SLC37A2: variants seen among roughly 807,000 people sequenced by gnomAD.
SLC37A2 encodes glucose-6-phosphate exchanger SLC37A2.
In SLC37A2, 59 loss-of-function variants were observed where a neutral mutation model predicts 70.7. That is an observed-to-expected ratio of 0.83 (90% CI 0.68 to 1.04). The LOEUF is 1.04. Ranked by LOEUF, SLC37A2 falls within the 50% of genes least tolerant of loss-of-function variation. SLC37A2 has a pLI of 0.00. For missense variants in SLC37A2, 580 were observed against 658.1 expected (o/e 0.88, Z 1.30); for synonymous variants, 257 against 262.1 (o/e 0.98, Z 0.19).
intron 8 of SLC37A2, 96 bp downstream of exon 8, chr11:125,081,554 G>T (rs1949150029): frequency 6.8e-7 from 1 of 1,471,502 alleles, no homozygotes; most frequent in Non-Finnish European, 9.2e-7. Flanking sequence ...GGGAGTTCTG[G>T]CCCTCACTGA....
chr11:125,085,370 T>G, intron 14 of SLC37A2, 25 bp from the exon 15 acceptor site: 1 of 1,609,240 alleles, frequency 6.2e-7, no homozygotes, highest in Non-Finnish European at 8.5e-7. Context: ...CAGCTGGGCT[T>G]CCCCACTCCA....
intron 10 of SLC37A2, among the ~76,000 whole-genome samples, 155 bp downstream of exon 10, chr11:125,082,489 G>A (rs7950127): frequency 6.6e-6 from 1 of 151,958 alleles, no homozygotes; most frequent in Non-Finnish European, 1.5e-5. Flanking sequence ...TGATTTAGTT[G>A]TTTACTTAAA....
rs1394025160 is a variant in SLC37A2, at chr11:125,079,665, C to T, written c.451-19C>T. On this transcript the variant is annotated intron_variant, in intron 5 of 17. Transcript: ENST00000403796. ...CACAGCCCAGGCCTGTTCCCACCCTCCCTTCTCTCTCCCTGCAGGTCTGTA... is the reference window on the plus strand; with the variant it reads ...CACAGCCCAGGCCTGTTCCCACCCTTCCTTCTCTCTCCCTGCAGGTCTGTA... The T allele has an allele frequency of 3.8e-6, 6 of 1,580,470 alleles. No individual in the cohort carries two copies. Among genetic ancestry groups the T allele is most frequent in the East Asian group, 2.3e-5 (1 of 44,160 alleles).
rs1949244958 is a variant in SLC37A2, at chr11:125,088,244, T to C, written c.*110T>C. The C allele has an allele frequency of 5.3e-6, 7 of 1,324,614 alleles. No homozygotes were observed. The highest frequency in any genetic ancestry group is 7.4e-6 in the Non-Finnish European group (7 of 944,146). 82.1% of individuals were successfully genotyped at this position (1,324,614 alleles called of 1,614,324 possible). On this transcript the variant is annotated 3_prime_UTR_variant, in exon 18 of 18. Coordinates refer to ENST00000403796, the MANE Select transcript of SLC37A2 (RefSeq NM_001145290.2). ...AGCAGGGAAGGCAAACCCTCTTTAT[T>C]GAACATTAGCCAGCCCAGCCCAGAC...
At chr11:125,070,803 C>T (rs903543080) in intron 1 of SLC37A2, among the ~76,000 whole-genome samples, 2 of 152,184 alleles carry the variant, frequency 1.3e-5, no homozygotes, top group Admixed American at 6.5e-5. Context: ...AGCAGCTTCT[C>T]CCCCAGCTGC....
intron 1 of SLC37A2, among the ~76,000 whole-genome samples, chr11:125,075,835 C>A (rs959944627): frequency 1.3e-5 from 2 of 152,264 alleles, no homozygotes; most frequent in South Asian, 2.1e-4. Context: ...GCTTCAGGAG[C>A]CCTCCCACCC....
Position 125,067,421 on chromosome 11 carries a change from G to A in SLC37A2, c.59+3995G>A, listed in dbSNP as rs1389765816. On this transcript the variant is annotated intron_variant, in intron 1 of 17. Transcript: ENST00000403796. ...GTACAGAGAGGGCATTGAGAAGTCTGCACAACTCTTTTATAGCATATAATT... is the reference window on the plus strand; with the variant it reads ...GTACAGAGAGGGCATTGAGAAGTCTACACAACTCTTTTATAGCATATAATT... Among the ~76,000 whole-genome samples, 3 of 152,136 alleles carry A rather than the reference G, an allele frequency of 2.0e-5. No homozygotes were observed. The East Asian group carries it at 5.8e-4, about 29-fold the overall frequency.
rs199780599 is a variant in SLC37A2 at position 125,085,580 on chromosome 11, C to T, written c.1331C>T (p.Ala444Val). The part of the protein sequence containing the change: ...AIIDGTGSIG[A>V]ALGPLLAGLI... Reference sequence around the variant, plus strand: ...CACGAGGCTGTGCTCCATTCAGGTGCGGCTCTGGGGCCTCTGCTGGCTGGG... The same window carrying T: ...CACGAGGCTGTGCTCCATTCAGGTGTGGCTCTGGGGCCTCTGCTGGCTGGG... Residue 444 changes from alanine (A) to valine (V), a missense_variant, in exon 16 of 18, where the codon GCG becomes GTG. Ala to Val is a moderately conservative substitution (Grantham distance 64). Transcript: ENST00000403796. 1.0e-4 allele frequency: 165 copies of T among 1,613,780 alleles called. No individual in the cohort carries two copies. Among genetic ancestry groups the T allele is most frequent in the Admixed American group, 1.7e-4 (10 of 60,022 alleles).
rs200333736 is a variant in SLC37A2, at chr11:125,085,660, G to A, written c.1411G>A (p.Val471Ile). Residue 471 changes from valine (V) to isoleucine (I), a missense_variant, in exon 16 of 18, where the codon GTC (valine) becomes ATC (isoleucine). By Grantham distance (29) the Val-to-Ile change is conservative (BLOSUM62 3). Transcript: ENST00000403796. ...CTTCTACATGCTCATCTCTGCCGAC[G>A]TCCTAGCCTGCTTGGTAAGAGTCTT... ...NVFYMLISAD[V>I]LACLLLCRLV... is the part of the protein sequence containing the mutation. 2.0e-5 allele frequency: 32 copies of A among 1,613,010 alleles called. No individual in the cohort carries two copies. The East Asian group carries it at 2.7e-4, about 14-fold the overall frequency.
At chr11:125,084,133 C>A in intron 11 of SLC37A2, 101 bp from the exon 12 acceptor site, 2 of 1,342,320 alleles carry the variant, frequency 1.5e-6, no homozygotes, top group Non-Finnish European at 2.1e-6. Flanking sequence ...CTGGTTCTTG[C>A]TGACAGGCCC....
Position 125,080,563 on chromosome 11 carries a change from T to C in SLC37A2, c.528-51T>C. 1.4e-6 allele frequency: 2 copies of C among 1,403,604 alleles called. No individual in the cohort carries two copies. Among genetic ancestry groups the C allele is most frequent in the Non-Finnish European group, 1.9e-6 (2 of 1,066,586 alleles). 86.9% of individuals were successfully genotyped at this position (1,403,604 alleles called of 1,614,324 possible). A position where few individuals can be genotyped will look rare whatever the true frequency, so the allele number is the denominator to read the frequency against. Reference sequence around the variant, plus strand: ...GCTGGGGCAGTTGCTATGAACAATGTGCTTTGCTTTTTACTTTTTATACCT... The same window carrying C: ...GCTGGGGCAGTTGCTATGAACAATGCGCTTTGCTTTTTACTTTTTATACCT... On this transcript the variant is annotated intron_variant, in intron 6 of 17. Coordinates refer to ENST00000403796, the MANE Select transcript of SLC37A2 (RefSeq NM_001145290.2). This position sits in a 1 kb window ranked among gnomAD's most constrained non-coding sequence, Gnocchi z 4.3.
intron 1 of SLC37A2, among the ~76,000 whole-genome samples, chr11:125,075,921 T>C (rs1396353446): frequency 6.6e-6 from 1 of 152,158 alleles, no homozygotes; most frequent in East Asian, 1.9e-4. Context: ...TCTCCTGGAC[T>C]GGGGCTCCAC....
Position 125,063,389 on chromosome 11 carries a change from G to T in SLC37A2, c.22G>T (p.Gly8Ter). MRSSLAP[G>*]VWFFRAFSRD... ...CAAAATGCGGTCCTCCCTGGCTCCGGGAGTCTGGTTCTTCCGGGCCTTCTC... is the reference window on the plus strand; with the variant it reads ...CAAAATGCGGTCCTCCCTGGCTCCGTGAGTCTGGTTCTTCCGGGCCTTCTC... Residue 8 changes from glycine (G) to a stop codon, truncating the protein, a stop_gained, in exon 1 of 18, where the codon GGA becomes TGA. Coordinates refer to ENST00000403796, the MANE Select transcript of SLC37A2 (RefSeq NM_001145290.2). LOFTEE classifies it high-confidence loss of function. The surrounding 1 kb of genome is among the most constrained non-coding windows in gnomAD (Gnocchi z 5.4). The T allele has an allele frequency of 6.2e-7, 1 of 1,612,018 alleles. No individual in the cohort carries two copies.
At chr11:125,087,440 C>G (rs1170107882) in intron 17 of SLC37A2, 4 of 153,036 alleles carry the variant, frequency 2.6e-5, no homozygotes, top group South Asian at 2.1e-4. Context: ...TCTCCACTCA[C>G]TCCATGAGAC....
intron 4 of SLC37A2, among the ~76,000 whole-genome samples, chr11:125,078,651 T>C (rs1263597709): frequency 1.3e-5 from 2 of 151,630 alleles, no homozygotes; most frequent in East Asian, 3.9e-4. Flanking sequence ...TCAGGGTGGT[T>C]GGTGGGAAGA....
chr11:125,082,182 G>A (rs776414913), intron 9 of SLC37A2, 62 bp from the exon 10 acceptor site: 93 of 1,530,442 alleles, frequency 6.1e-5, no homozygotes, highest in Non-Finnish European at 8.0e-5. Context: ...CACCCCTTGG[G>A]GCCACCACTG....
chr11:125,067,778 C>G (rs958298504), intron 1 of SLC37A2, among the ~76,000 whole-genome samples: 3 of 151,630 alleles, frequency 2.0e-5, no homozygotes, highest in Admixed American at 6.5e-5. Flanking sequence ...TTCCTTTCTA[C>G]AAACCTAAAA....
At chr11:125,082,021 G>T (rs1949156333) in intron 9 of SLC37A2, 115 bp downstream of exon 9, 1 of 1,273,086 alleles carries the variant, frequency 7.9e-7, no homozygotes. Flanking sequence ...TATAGGGGAG[G>T]TGTAAGTTGG....
chr11:125,081,239 G>A (rs1372492816), intron 7 of SLC37A2, among the ~76,000 whole-genome samples, 182 bp from the exon 8 acceptor site: 1 of 152,104 alleles, frequency 6.6e-6, no homozygotes, highest in African/African-American at 2.4e-5. Flanking sequence ...CTAGAAAGCT[G>A]TCTCCTGAGC....
Sources: allele counts gnomAD v4.1 joint callset (sites outside exome capture counted in the v4.1 genomes callset), GRCh38; gene constraint gnomAD v4.1.1; non-coding constraint Gnocchi (gnomAD v3.1); transcripts MANE v1.5; gene names NCBI Gene and HGNC (gene_info 2026-07-23, HGNC 2026-07-21).